ATF2: variants seen among roughly 807,000 people sequenced by gnomAD.
ATF2 encodes cyclic AMP-dependent transcription factor ATF-2.
In ATF2, 24 loss-of-function variants were observed where a neutral mutation model predicts 60.6. That is an observed-to-expected ratio of 0.40 (90% CI 0.29 to 0.56). ATF2 has a LOEUF of 0.56. Ranked by LOEUF, ATF2 falls within the 20% of genes least tolerant of loss-of-function variation. The pLI is 0.54. For missense variants in ATF2, 433 were observed against 607.7 expected (o/e 0.71, Z 3.02); for synonymous variants, 206 against 215.4 (o/e 0.96, Z 0.38).
intron 13 of ATF2, among the ~76,000 whole-genome samples, chr2:175,076,386 A>G (rs1693294606): frequency 1.3e-5 from 2 of 152,082 alleles, no homozygotes; most frequent in East Asian, 3.9e-4. Context: ...ATCCTTTAAA[A>G]ATTATATAAA....
intron 12 of ATF2, among the ~76,000 whole-genome samples, chr2:175,085,441 A>C (rs1694088255): frequency 6.6e-6 from 1 of 152,138 alleles, no homozygotes. Context: ...AGGCTGAGGC[A>C]GGAGAACTGC....
chr2:175,107,648 C>T (rs1427869307), intron 10 of ATF2, among the ~76,000 whole-genome samples: 2 of 152,214 alleles, frequency 1.3e-5, no homozygotes, highest in East Asian at 1.9e-4. Flanking sequence ...GCCATCTCTG[C>T]TCACTGCAAC....
In ATF2 at chr2:175,154,234, A is replaced by AAAAATAT. The variant is rs59907964; in HGVS notation, c.-142-3077_-142-3076insATATTTT. On this transcript the variant is annotated intron_variant, in intron 1 of 13. Coordinates refer to ENST00000264110, the MANE Select transcript of ATF2 (RefSeq NM_001880.4). Reference sequence around the variant, plus strand: ...CATCTCAAAAAGAAAAGAAAAAAAAAATATATATATATATATATTTTTTAC... The same window carrying AAAAATAT: ...CATCTCAAAAAGAAAAGAAAAAAAAAAAAATATATATATATATATATATATTTTTTAC... 1.9e-4 allele frequency among the ~76,000 whole-genome samples: 25 copies of AAAAATAT among 131,656 alleles called. No individual in the cohort carries two copies. In the South Asian group the frequency reaches 5.2e-3, roughly 28 times the overall value. 86.4% of individuals were successfully genotyped at this position (131,656 alleles called of 152,430 possible). A position where few individuals can be genotyped will look rare whatever the true frequency, so the allele number is the denominator to read the frequency against.
chr2:175,146,686 T>G (rs1351509254), intron 2 of ATF2, among the ~76,000 whole-genome samples: 1 of 152,190 alleles, frequency 6.6e-6, no homozygotes, highest in Non-Finnish European at 1.5e-5. Flanking sequence ...CTGTGTACTG[T>G]TTTAAATAGA....
chr2:175,096,398 T>A (rs1694938813), intron 11 of ATF2, among the ~76,000 whole-genome samples: 1 of 152,332 alleles, frequency 6.6e-6, no homozygotes, highest in Non-Finnish European at 1.5e-5. Flanking sequence ...TTGATTTATG[T>A]TAGTAATGTA....
intron 12 of ATF2, among the ~76,000 whole-genome samples, chr2:175,084,634 T>C (rs1694022760): frequency 7.1e-6 from 1 of 140,736 alleles, no homozygotes. Context: ...CGCTAAAACT[T>C]AAAGTATAAA....
At chr2:175,110,045 A>C (rs1696060606) in intron 10 of ATF2, among the ~76,000 whole-genome samples, 3 of 152,214 alleles carry the variant, frequency 2.0e-5, no homozygotes, top group Non-Finnish European at 4.4e-5. Context: ...ATAGCAGTAA[A>C]AATTTTTCAG....
intron 2 of ATF2, among the ~76,000 whole-genome samples, chr2:175,142,186 C>CTTT (rs377013083): frequency 1.5e-5 from 2 of 133,024 alleles, no homozygotes; most frequent in African/African-American, 2.8e-5. Flanking sequence ...GTTTTCTTTT[C>CTTT]TTTTTTTTTT....
intron 10 of ATF2, 109 bp from the exon 11 acceptor site, chr2:175,097,702 T>A: frequency 2.7e-6 from 3 of 1,129,190 alleles, no homozygotes; most frequent in Non-Finnish European, 3.8e-6. Context: ...TCCTTTTGCC[T>A]AGTACTACTA....
Position 175,121,474 on chromosome 2 carries a change from G to C in ATF2, c.169C>G (p.Pro57Ala), listed in dbSNP as rs997411163. 1.9e-6 allele frequency: 3 copies of C among 1,603,852 alleles called. No individual in the cohort carries two copies. The highest frequency in any genetic ancestry group is 1.7e-5 in the Admixed American group (1 of 58,980). The change falls in exon 5 of 14, where the codon CCA (proline) becomes GCA (alanine). Residue 57 changes from proline to alanine, a missense_variant. Physicochemically the swap from Pro to Ala is conservative, Grantham distance 27. This residue lies in a region of ATF2 where 29 missense variants were observed against 102.1 expected (regional missense o/e 0.28). Transcript: ENST00000264110. ...HKHEMTLKFGPARNDSVIVAD... is the reference protein window; with the variant it reads ...HKHEMTLKFGAARNDSVIVAD... Reference sequence around the variant, plus strand: ...ACAATGACACTGTCATTACGTGCTGGACCAAATTTCAGTGTCATCTCATGT... The same window carrying C: ...ACAATGACACTGTCATTACGTGCTGCACCAAATTTCAGTGTCATCTCATGT...
chr2:175,144,719 T>G lies in ATF2; in HGVS notation c.-44+6341A>C, dbSNP rs559217292. On this transcript the variant is annotated intron_variant, in intron 2 of 13. Coordinates refer to ENST00000264110, the MANE Select transcript of ATF2 (RefSeq NM_001880.4). ...TGGGAAAGGGGTGGTCAGCCCTGCA[T>G]TTAATGTTGGAGTCTCAGAAGGATA... Among the ~76,000 whole-genome samples the G allele has an allele frequency of 2.0e-3, 304 of 152,220 alleles. 1 individual carries two copies. The highest frequency in any genetic ancestry group is 5.0e-3 in the Admixed American group (77 of 15,294).
At chr2:175,088,645 A>T (rs1342405274) in intron 12 of ATF2, among the ~76,000 whole-genome samples, 1 of 151,956 alleles carries the variant, frequency 6.6e-6, no homozygotes, top group Non-Finnish European at 1.5e-5. Context: ...TGTTTGCACC[A>T]ACCTAATATA....
At position 175,097,889 on chromosome 2, in the gene ATF2, G is replaced by A. The variant is rs145178644; in HGVS notation, c.829-296C>T. Among the ~76,000 whole-genome samples the A allele has an allele frequency of 1.8e-3, 269 of 152,204 alleles. 2 individuals carry two copies. The highest frequency in any genetic ancestry group is 6.4e-3 in the African/African-American group (267 of 41,518). ...CCTACAGCTGGGTTTGTCTCTCTTA[G>A]GTTTTCCCTGTCCCCAGTAAGCAGA... On this transcript the variant is annotated intron_variant, in intron 10 of 13. Coordinates refer to ENST00000264110, the MANE Select transcript of ATF2 (RefSeq NM_001880.4).
At chr2:175,146,965 A>C (rs1457147509) in intron 2 of ATF2, among the ~76,000 whole-genome samples, 1 of 152,182 alleles carries the variant, frequency 6.6e-6, no homozygotes, top group Middle Eastern at 3.2e-3. Context: ...ACTACAAGAT[A>C]TATTTATTCT....
chr2:175,135,006 T>TAAAAAAAAAA (rs60122560), intron 3 of ATF2, among the ~76,000 whole-genome samples: 1 of 85,782 alleles, frequency 1.2e-5, no homozygotes, highest in African/African-American at 4.5e-5. Flanking sequence ...CCCATCTCTT[T>TAAAAAAAAAA]AAAAAAAAAA....
At chr2:175,114,368 G>C (rs1434342362) in intron 8 of ATF2, 5 of 1,259,568 alleles carry the variant, frequency 4.0e-6, no homozygotes, top group Non-Finnish European at 5.0e-6. Context: ...ACTGTCATCA[G>C]AGAGCTCTTG....
intron 3 of ATF2, among the ~76,000 whole-genome samples, chr2:175,133,423 A>C (rs563685311): frequency 2.9e-3 from 445 of 152,334 alleles, no homozygotes; most frequent in Non-Finnish European, 5.1e-3. Flanking sequence ...TTGGTTCTAG[A>C]AATTTTATAT....
intron 2 of ATF2, among the ~76,000 whole-genome samples, chr2:175,140,696 A>AT (rs35682841): frequency 0.26 from 39,481 of 151,552 alleles, 6,110 homozygotes; most frequent in African/African-American, 0.44. Flanking sequence ...TTTGAAAAAT[A>AT]ATAAATCCTG....
Position 175,118,034 on chromosome 2 carries a change from C to A in ATF2, c.403G>T (p.Asp135Tyr), listed in dbSNP as rs915967579. Residue 135 changes from aspartate (D) to tyrosine (Y), a missense_variant, in exon 7 of 14, where the codon GAT (aspartate) becomes TAT (tyrosine). Coordinates refer to ENST00000264110, the MANE Select transcript of ATF2 (RefSeq NM_001880.4). Reference sequence around the variant, plus strand: ...GACTCTGGGTGAGGTAAAGGACTATCCTGGTGAGTTGTTTCTACAACAGAA... The same window carrying A: ...GACTCTGGGTGAGGTAAAGGACTATACTGGTGAGTTGTTTCTACAACAGAA... ...EPSVVETTHQ[D>Y]SPLPHPESTT... The A allele has an allele frequency of 6.8e-6, 11 of 1,611,946 alleles. No homozygotes were observed. The highest frequency in any genetic ancestry group is 6.8e-6 in the Non-Finnish European group (8 of 1,178,730).
Sources: allele counts gnomAD v4.1 joint callset (sites outside exome capture counted in the v4.1 genomes callset), GRCh38; gene constraint gnomAD v4.1.1; regional missense constraint gnomAD v4.1.1; transcripts MANE v1.5; gene names NCBI Gene and HGNC (gene_info 2026-07-23, HGNC 2026-07-21).